The following FAM227B variants were observed in gnomAD, a reference collection of about 807,000 sequenced individuals.
The protein encoded by FAM227B is family with sequence similarity 227 member B.
Under a neutral mutation model 73.8 loss-of-function variants are expected in FAM227B, and 88 were observed. The observed-to-expected ratio is 1.19, with a 90% CI of 1.00 to 1.42. The LOEUF is 1.42. FAM227B is among the 40% of genes most tolerant of loss of function. The pLI is 0.00. For missense variants in FAM227B, 632 were observed against 590.9 expected (o/e 1.07, Z -0.72); for synonymous variants, 210 against 190.5 (o/e 1.10, Z -0.84).
At chr15:49,435,059 G>T (rs757550256) in intron 11 of FAM227B, among the ~76,000 whole-genome samples, 8 of 151,246 alleles carry the variant, frequency 5.3e-5, no homozygotes, top group Non-Finnish European at 3.0e-5. Context: ...TGTTCATTTC[G>T]AACACATACA....
At chr15:49,404,513 A>G (rs890529686) in intron 11 of FAM227B, among the ~76,000 whole-genome samples, 8 of 152,064 alleles carry the variant, frequency 5.3e-5, no homozygotes, top group African/African-American at 1.9e-4. Context: ...ATCATTATGT[A>G]ACACCCTTCC....
At chr15:49,581,310 G>A (rs1016572071) in intron 5 of FAM227B, among the ~76,000 whole-genome samples, 9 of 152,038 alleles carry the variant, frequency 5.9e-5, no homozygotes, top group African/African-American at 2.2e-4. Context: ...AGAAGAGATT[G>A]GGGGCCTATA....
In FAM227B at chr15:49,581,124, G is replaced by T. The variant is rs111912749; in HGVS notation, c.406-3460C>A. Among the ~76,000 whole-genome samples, 523 of 152,208 alleles carry T rather than the reference G, an allele frequency of 3.4e-3. 6 individuals are homozygous for T. The highest frequency in any genetic ancestry group is 0.012 in the African/African-American group (494 of 41,536). ...AATTCAAATTCAGGAAACACAGAGA[G>T]AACCCTTGTGAGATACTATACAAGA... On this transcript the variant is annotated intron_variant, in intron 5 of 15. Transcript: ENST00000299338.
chr15:49,388,233 A>G (rs754875358), intron 11 of FAM227B, among the ~76,000 whole-genome samples: 1 of 151,996 alleles, frequency 6.6e-6, no homozygotes, highest in Non-Finnish European at 1.5e-5. Flanking sequence ...TTCAAATTAT[A>G]CTATAAGCCT....
chr15:49,611,966 C>G (rs2077953291), intron 2 of FAM227B, among the ~76,000 whole-genome samples: 1 of 151,894 alleles, frequency 6.6e-6, no homozygotes, highest in African/African-American at 2.4e-5. Flanking sequence ...AAAGTTTTCT[C>G]CGTGGTAACA....
rs1429946138 is a variant in FAM227B at position 49,357,530 on chromosome 15, T to C, written c.1271+9918A>G. Among the ~76,000 whole-genome samples the C allele has an allele frequency of 5.3e-5, 8 of 152,072 alleles. No homozygotes were observed. In the East Asian group the frequency reaches 1.5e-3, roughly 29 times the overall value. On this transcript the variant is annotated intron_variant, in intron 13 of 15. Transcript: ENST00000299338. ...CTCGACACATACACTCTCCCAAGACTAAACCAGGAAGAAGTTGAATCTCTG... is the reference window on the plus strand; with the variant it reads ...CTCGACACATACACTCTCCCAAGACCAAACCAGGAAGAAGTTGAATCTCTG...
intron 10 of FAM227B, among the ~76,000 whole-genome samples, chr15:49,522,003 A>T (rs2059823658): frequency 6.6e-6 from 1 of 152,092 alleles, no homozygotes; most frequent in Non-Finnish European, 1.5e-5. Context: ...TGTACTGGGA[A>T]CTGAACTGCA....
Position 49,371,839 on chromosome 15 carries a change from A to G in FAM227B, c.1013-440T>C, listed in dbSNP as rs1194206654. On this transcript the variant is annotated intron_variant, in intron 11 of 15. Transcript: ENST00000299338. ...TGAAATAAAATTCACTTATAAATAAATGAAATAAAATTCACTTATAAATAA... is the reference window on the plus strand; with the variant it reads ...TGAAATAAAATTCACTTATAAATAAGTGAAATAAAATTCACTTATAAATAA... Among the ~76,000 whole-genome samples the G allele has an allele frequency of 2.7e-5, 4 of 145,760 alleles. No homozygotes were observed. In the East Asian group the frequency reaches 8.1e-4, roughly 30 times the overall value.
chr15:49,464,317 A>G (rs908023023), intron 11 of FAM227B, among the ~76,000 whole-genome samples: 2 of 152,096 alleles, frequency 1.3e-5, no homozygotes, highest in South Asian at 2.1e-4. Flanking sequence ...TTCTTAAAAG[A>G]GAAACAGAAA....
intron 10 of FAM227B, among the ~76,000 whole-genome samples, chr15:49,520,002 A>T (rs2059667602): frequency 6.6e-6 from 1 of 152,192 alleles, no homozygotes; most frequent in Admixed American, 6.5e-5. Context: ...AGAGCACCCA[A>T]GTCACATCTT....
At chr15:49,424,798 C>T (rs548476876) in intron 11 of FAM227B, 5 of 367,320 alleles carry the variant, frequency 1.4e-5, no homozygotes, top group East Asian at 1.2e-4. Context: ...ACCTGATAAT[C>T]CAAGCCAATT....
At chr15:49,528,813 A>C (rs886951174) in intron 10 of FAM227B, among the ~76,000 whole-genome samples, 4 of 151,980 alleles carry the variant, frequency 2.6e-5, no homozygotes, top group African/African-American at 7.2e-5. Context: ...TATTATCAAA[A>C]AGTCAAAAAT....
At chr15:49,393,815 CAG>C (rs1322525020) in intron 11 of FAM227B, among the ~76,000 whole-genome samples, 4 of 152,162 alleles carry the variant, frequency 2.6e-5, no homozygotes, top group Admixed American at 6.5e-5. Context: ...AAGAAACAAA[CAG>C]AATTTATGGA....
At chr15:49,495,956 G>T (rs1338833876) in intron 11 of FAM227B, among the ~76,000 whole-genome samples, 1 of 152,258 alleles carries the variant, frequency 6.6e-6, no homozygotes, top group East Asian at 1.9e-4. Flanking sequence ...CCGGGAGGCA[G>T]AGGTTGCAGT....
At chr15:49,592,738 G>T (rs113387855) in intron 3 of FAM227B, among the ~76,000 whole-genome samples, 1 of 152,200 alleles carries the variant, frequency 6.6e-6, no homozygotes, top group African/African-American at 2.4e-5. Flanking sequence ...AGATAGGGAC[G>T]TTTAAGTCTG....
chr15:49,376,824 C>A (rs1300982657), intron 11 of FAM227B, among the ~76,000 whole-genome samples: 2 of 151,924 alleles, frequency 1.3e-5, no homozygotes, highest in Admixed American at 6.6e-5. Flanking sequence ...CTTATCTTAT[C>A]CACTTTTGCT....
intron 10 of FAM227B, among the ~76,000 whole-genome samples, chr15:49,514,034 C>T (rs1032061662): frequency 3.9e-5 from 6 of 152,100 alleles, no homozygotes; most frequent in Non-Finnish European, 5.9e-5. Context: ...TAGTGTGATG[C>T]CTCCAGCTTT....
At chr15:49,489,938 AG>A (rs2056938085) in intron 11 of FAM227B, among the ~76,000 whole-genome samples, 2 of 141,530 alleles carry the variant, frequency 1.4e-5, no homozygotes, top group Middle Eastern at 3.3e-3. Flanking sequence ...AGAGAGAGAG[AG>A]AGAGAGACAC....
intron 11 of FAM227B, among the ~76,000 whole-genome samples, chr15:49,420,525 A>C (rs1211736801): frequency 5.9e-5 from 9 of 152,188 alleles, no homozygotes; most frequent in Admixed American, 5.9e-4. Context: ...TGCCTGTACA[A>C]GCATAGCGAA....
Sources: gnomAD v4.1 joint callset for allele counts (sites outside exome capture counted in the v4.1 genomes callset) on GRCh38, gnomAD v4.1.1 for gene constraint, MANE v1.5 for transcripts, NCBI Gene and HGNC (gene_info 2026-07-23, HGNC 2026-07-21) for gene names.